Variants in NEURL1 observed in about 807,000 individuals in gnomAD.
The protein encoded by NEURL1 is E3 ubiquitin-protein ligase NEURL1.
A neutral mutation model predicts 41.2 loss-of-function variants in NEURL1; 26 were observed. That is an observed-to-expected ratio of 0.63 (90% CI 0.46 to 0.87). The LOEUF (loss-of-function observed/expected upper bound fraction) is 0.87, where lower values mean the gene tolerates loss of function less well. Among genes scored for constraint, NEURL1 ranks in the 40% least tolerant of loss-of-function variants. The pLI is 0.00. For synonymous variants in NEURL1, 400 were observed against 402.3 expected (o/e 0.99, Z 0.07); for missense variants, 761 against 871.1 (o/e 0.87, Z 1.59).
intron 1 of NEURL1, among the ~76,000 whole-genome samples, chr10:103,531,345 A>T (rs1427387053): frequency 3.3e-5 from 5 of 152,156 alleles, no homozygotes; most frequent in African/African-American, 1.2e-4. Flanking sequence ...GCCAAGAGTA[A>T]GGTGTTGAAG....
Position 103,566,683 on chromosome 10 carries a change from A to G in NEURL1, c.86-4189A>G, listed in dbSNP as rs1226064292. On this transcript the variant is annotated intron_variant, in intron 1 of 5. Transcript: ENST00000369780. The surrounding 1 kb of genome is among the most constrained non-coding windows in gnomAD (Gnocchi z 4.2). ...TTTGTGTACAGGTCATTGTGTGGAC[A>G]TGTTTTCATTTCTTGTGGGGAAATG... 6.6e-6 allele frequency among the ~76,000 whole-genome samples: 1 copy of G among 152,176 alleles called. No individual in the cohort carries two copies. The highest frequency in any genetic ancestry group is 2.4e-5 in the African/African-American group (1 of 41,428).
At chr10:103,514,569 T>C (rs1279020503) in intron 1 of NEURL1, among the ~76,000 whole-genome samples, 1 of 152,112 alleles carries the variant, frequency 6.6e-6, no homozygotes, top group Admixed American at 6.5e-5. Flanking sequence ...CAAAAGTTTG[T>C]CTGGGGAAGT....
intron 1 of NEURL1, among the ~76,000 whole-genome samples, chr10:103,510,880 C>T (rs1439047119): frequency 1.3e-5 from 2 of 152,132 alleles, no homozygotes; most frequent in African/African-American, 2.4e-5. Context: ...TGCTCAAGAC[C>T]CCCCTAGAAG....
At chr10:103,549,374 A>G (rs907074171) in intron 1 of NEURL1, among the ~76,000 whole-genome samples, 13 of 152,118 alleles carry the variant, frequency 8.5e-5, no homozygotes, top group African/African-American at 2.2e-4. Flanking sequence ...CCCTGGCTCC[A>G]GTTTCTCTGC....
rs747770458 is a variant in NEURL1, at chr10:103,541,730, G to A, written c.86-29142G>A. 2.0e-5 allele frequency among the ~76,000 whole-genome samples: 3 copies of A among 152,332 alleles called. 1 individual carries two copies. In the South Asian group the frequency reaches 6.2e-4, roughly 32 times the overall value. ...TGAGGGACATGAGAAGGTGACTGCT[G>A]TTGTCTCAGGCCTATCTATTGCAAT... On this transcript the variant is annotated intron_variant, in intron 1 of 5. Coordinates refer to ENST00000369780, the MANE Select transcript of NEURL1 (RefSeq NM_004210.5).
At chr10:103,549,889 C>T (rs1011176289) in intron 1 of NEURL1, among the ~76,000 whole-genome samples, 1 of 152,216 alleles carries the variant, frequency 6.6e-6, no homozygotes, top group Non-Finnish European at 1.5e-5. Flanking sequence ...TGCCTTCCAC[C>T]CACTGTGTGG....
chr10:103,590,723 A>G lies in NEURL1; in HGVS notation c.*351A>G. The G allele has an allele frequency of 3.2e-6, 1 of 312,538 alleles. No homozygotes were observed. The highest frequency in any genetic ancestry group is 6.0e-6 in the Non-Finnish European group (1 of 165,566). 19.4% of individuals were successfully genotyped at this position (312,538 alleles called of 1,614,324 possible). On this transcript the variant is annotated 3_prime_UTR_variant, in exon 6 of 6. Transcript: ENST00000369780. ...GGTTTCTAGGAGGTGTCTGTAGTCC[A>G]TGTGGCACCTTTGTGAGAATTAGAA...
At chr10:103,514,530 T>C (rs1053758285) in intron 1 of NEURL1, among the ~76,000 whole-genome samples, 1 of 152,136 alleles carries the variant, frequency 6.6e-6, no homozygotes, top group African/African-American at 2.4e-5. Flanking sequence ...TCTAGACTCC[T>C]GAGTCTGCAG....
At chr10:103,578,842 C>T (rs533614926) in intron 3 of NEURL1, among the ~76,000 whole-genome samples, 1 of 152,226 alleles carries the variant, frequency 6.6e-6, no homozygotes, top group African/African-American at 2.4e-5. Flanking sequence ...CACTTCCCGG[C>T]TCCCTCCCAT....
chr10:103,573,632 G>A (rs1461581309), intron 3 of NEURL1, among the ~76,000 whole-genome samples: 2 of 152,138 alleles, frequency 1.3e-5, no homozygotes, highest in African/African-American at 4.8e-5. Context: ...ACTTCTGCCT[G>A]AGCCTCAGGC....
intron 1 of NEURL1, among the ~76,000 whole-genome samples, chr10:103,497,131 C>T (rs994719436): frequency 6.6e-6 from 1 of 152,218 alleles, no homozygotes; most frequent in Non-Finnish European, 1.5e-5. Flanking sequence ...CTAAGGACTT[C>T]TTCCCGTCTT....
At chr10:103,579,150 T>G (rs1021441976) in intron 3 of NEURL1, among the ~76,000 whole-genome samples, 1 of 152,212 alleles carries the variant, frequency 6.6e-6, no homozygotes, top group Non-Finnish European at 1.5e-5. Flanking sequence ...GGTGGCTTTC[T>G]GGGCAACAGC....
chr10:103,513,232 G>GAGACA (rs1318907999), intron 1 of NEURL1, among the ~76,000 whole-genome samples: 3 of 152,264 alleles, frequency 2.0e-5, no homozygotes, highest in African/African-American at 7.2e-5. Flanking sequence ...CAGTGCTCCA[G>GAGACA]AGACAAGCAG....
At chr10:103,495,720 G>A (rs755730283) in intron 1 of NEURL1, among the ~76,000 whole-genome samples, 5 of 152,244 alleles carry the variant, frequency 3.3e-5, no homozygotes, top group African/African-American at 4.8e-5. Flanking sequence ...AGCTCTTTCA[G>A]AACTTCAGCT....
In NEURL1 at chr10:103,584,389, T is replaced by G. The variant is rs2035850893; in HGVS notation, c.650-147T>G. On this transcript the variant is annotated intron_variant, in intron 3 of 5. Transcript: ENST00000369780. Reference sequence around the variant, plus strand: ...TGTCCTGCAAGAGTCGTTTCTTGACTGTGTTCGCTAATTTATGTCACAAGC... The same window carrying G: ...TGTCCTGCAAGAGTCGTTTCTTGACGGTGTTCGCTAATTTATGTCACAAGC... 5 of 455,894 alleles carry G rather than the reference T, an allele frequency of 1.1e-5. No homozygotes were observed. In the South Asian group the frequency reaches 1.9e-4, roughly 17 times the overall value. The allele number at this position is 455,894 out of a possible 1,614,324, so 28.2% of individuals were successfully genotyped here.
chr10:103,578,299 G>A (rs2133881339), intron 3 of NEURL1, among the ~76,000 whole-genome samples: 1 of 152,276 alleles, frequency 6.6e-6, no homozygotes, highest in East Asian at 1.9e-4. Context: ...CGCCCTCCAC[G>A]GCCAAAAAAG....
chr10:103,580,841 C>G (rs188191812), intron 3 of NEURL1, among the ~76,000 whole-genome samples: 20 of 152,336 alleles, frequency 1.3e-4, no homozygotes, highest in African/African-American at 4.8e-4. Flanking sequence ...GATCCTCTTC[C>G]TACCCCCTTC....
At chr10:103,554,858 C>G (rs1157868505) in intron 1 of NEURL1, among the ~76,000 whole-genome samples, 1 of 152,206 alleles carries the variant, frequency 6.6e-6, no homozygotes, top group Non-Finnish European at 1.5e-5. Context: ...TCTCACCTAG[C>G]AGGACCTCTG....
chr10:103,495,642 A>C (rs2033665132), intron 1 of NEURL1, among the ~76,000 whole-genome samples: 1 of 152,196 alleles, frequency 6.6e-6, no homozygotes, highest in Admixed American at 6.5e-5. Context: ...TCTTTTGCTG[A>C]ACAGTTAACT....
Sources: allele counts gnomAD v4.1 joint callset (sites outside exome capture counted in the v4.1 genomes callset), GRCh38; gene constraint gnomAD v4.1.1; non-coding constraint Gnocchi (gnomAD v3.1); transcripts MANE v1.5; gene names NCBI Gene and HGNC (gene_info 2026-07-23, HGNC 2026-07-21).